Variants in CTNNA2 observed in about 807,000 individuals in gnomAD.
CTNNA2 encodes the protein catenin alpha-2.
Under a neutral mutation model 101.0 loss-of-function variants are expected in CTNNA2, and 42 were observed. The ratio of observed to expected loss-of-function variants is 0.42; its 90% CI spans 0.32 to 0.54. The LOEUF is 0.54. CTNNA2 is among the 20% of genes least tolerant of loss of function. The pLI is 0.14. For missense variants in CTNNA2, 871 were observed against 1,223.1 expected, an observed-to-expected ratio of 0.71 and a Z score of 4.29; for synonymous variants, 450 against 456.4, an observed-to-expected ratio of 0.99 and a Z score of 0.18.
chr2:80,563,035 G>A (rs186380954), intron 12 of CTNNA2, among the ~76,000 whole-genome samples: 2,760 of 132,078 alleles, frequency 0.021, 98 homozygotes, highest in African/African-American at 0.078. Context: ...GTGCCTGTTT[G>A]TCAAAGTACA....
intron 18 of CTNNA2, among the ~76,000 whole-genome samples, chr2:80,627,191 C>T (rs946986363): frequency 2.7e-5 from 4 of 150,552 alleles, no homozygotes; most frequent in African/African-American, 9.8e-5. Context: ...GTGTGTGTGT[C>T]TTTATAGTAA....
Position 80,589,213 on chromosome 2 carries a change from T to A in CTNNA2, c.2008-91T>A, listed in dbSNP as rs547158378. On this transcript the variant is annotated intron_variant, in intron 14 of 18. Transcript: ENST00000402739. ...GGGTAGCTCATAAGCCTTTGCAGGG[T>A]CTGGCTCTGCCATCCGCAGAAGGCA... The A allele has an allele frequency of 1.4e-5, 19 of 1,316,078 alleles. No homozygotes were observed. The African/African-American group carries it at 2.5e-4, about 17-fold the overall frequency. The allele number at this position is 1,316,078 out of a possible 1,614,324, so 81.5% of individuals were successfully genotyped here.
chr2:79,661,838 G>A (rs1205155249), intron 2 of CTNNA2, among the ~76,000 whole-genome samples: 1 of 151,932 alleles, frequency 6.6e-6, no homozygotes, highest in African/African-American at 2.4e-5. Context: ...GGTCAGTATA[G>A]TTTTATTTTC....
chr2:80,425,944 G>C (rs1368993835), intron 9 of CTNNA2, among the ~76,000 whole-genome samples: 1 of 152,110 alleles, frequency 6.6e-6, no homozygotes, highest in Non-Finnish European at 1.5e-5. Flanking sequence ...TGTTGTTGTT[G>C]TTGTTGTTTT....
At chr2:80,636,751 A>C (rs963157711) in intron 18 of CTNNA2, among the ~76,000 whole-genome samples, 3 of 152,136 alleles carry the variant, frequency 2.0e-5, no homozygotes, top group Admixed American at 1.3e-4. Flanking sequence ...TCAGCTTCCC[A>C]GGCTAGATTG....
intron 7 of CTNNA2, among the ~76,000 whole-genome samples, chr2:80,253,135 G>T (rs1671889733): frequency 1.3e-5 from 2 of 151,972 alleles, no homozygotes; most frequent in Admixed American, 1.3e-4. Flanking sequence ...CAAAACAAGT[G>T]GAAAAGTACA....
chr2:79,687,789 A>G lies in CTNNA2; in HGVS notation c.102+36131A>G, dbSNP rs1167963917. ...TAACTGAAGATGTTCGGCTTGAAAT[A>G]CAGGCGCCAAAAATGGATTTCACAC... On this transcript the variant is annotated intron_variant, in intron 2 of 18. Coordinates refer to ENST00000402739, the MANE Select transcript of CTNNA2 (RefSeq NM_001282597.3). 8.4e-6 allele frequency: 4 copies of G among 477,010 alleles called. No individual in the cohort carries two copies. In the Admixed American group the frequency reaches 1.7e-4, roughly 20 times the overall value. The allele number at this position is 477,010 out of a possible 1,614,324, so 29.5% of individuals were successfully genotyped here.
At chr2:80,284,658 A>G (rs1425500780) in intron 7 of CTNNA2, among the ~76,000 whole-genome samples, 1 of 152,040 alleles carries the variant, frequency 6.6e-6, no homozygotes, top group African/African-American at 2.4e-5. Flanking sequence ...GAATTCCTCA[A>G]ATTCCTAATA....
chr2:80,598,755 G>GTTTTTC (rs1290034865), intron 15 of CTNNA2, among the ~76,000 whole-genome samples: 2 of 152,182 alleles, frequency 1.3e-5, no homozygotes, highest in Admixed American at 6.5e-5. Context: ...TAATTATGCT[G>GTTTTTC]AGTGAAAAAC....
intron 7 of CTNNA2, among the ~76,000 whole-genome samples, chr2:80,312,719 C>A (rs1351253941): frequency 6.6e-6 from 1 of 152,202 alleles, no homozygotes; most frequent in African/African-American, 2.4e-5. Context: ...TATTCCTTGA[C>A]ACTTAATTAT....
chr2:79,451,888 TC>T (rs1420894617), intron 4 of CTNNA2, among the ~76,000 whole-genome samples: 2 of 151,870 alleles, frequency 1.3e-5, no homozygotes, highest in Non-Finnish European at 2.9e-5. Context: ...AACTGTACAA[TC>T]CAAACTAGCA....
intron 16 of CTNNA2, chr2:80,605,043 C>T (rs1697886492): frequency 6.6e-6 from 1 of 151,974 alleles, no homozygotes; most frequent in Non-Finnish European, 1.5e-5. Context: ...GATCAAGAAC[C>T]TTCAGATTTC....
At chr2:79,457,858 C>T (rs1670842506) in intron 4 of CTNNA2, among the ~76,000 whole-genome samples, 1 of 152,230 alleles carries the variant, frequency 6.6e-6, no homozygotes, top group Non-Finnish European at 1.5e-5. Flanking sequence ...TTACTCTCAA[C>T]TAGCATTTCA....
chr2:79,947,646 G>A lies in CTNNA2; in HGVS notation c.1056+37849G>A, dbSNP rs562537392. 2.6e-5 allele frequency among the ~76,000 whole-genome samples: 4 copies of A among 152,240 alleles called. No homozygotes were observed. In the South Asian group the frequency reaches 6.2e-4, roughly 24 times the overall value. ...AGCACTTGTCAGATGTTTGCTACTT[G>A]TCATGGTATTGTTATTAAAATAAGT... is the stretch of plus-strand genomic sequence containing the variant. On this transcript the variant is annotated intron_variant, in intron 7 of 18. Coordinates refer to ENST00000402739, the MANE Select transcript of CTNNA2 (RefSeq NM_001282597.3).
intron 7 of CTNNA2, among the ~76,000 whole-genome samples, chr2:80,009,698 A>C (rs1336838989): frequency 6.6e-6 from 1 of 151,166 alleles, no homozygotes; most frequent in East Asian, 2.0e-4. Context: ...ACTAGAAAAA[A>C]TGTAGACTAT....
At chr2:79,827,703 T>C (rs1392343906) in intron 3 of CTNNA2, among the ~76,000 whole-genome samples, 3 of 152,180 alleles carry the variant, frequency 2.0e-5, no homozygotes, top group East Asian at 1.9e-4. Context: ...TTATATGCCA[T>C]TGGGCACAAA....
intron 2 of CTNNA2, among the ~76,000 whole-genome samples, chr2:79,212,454 A>C (rs2104202890): frequency 6.6e-6 from 1 of 152,220 alleles, no homozygotes; most frequent in East Asian, 1.9e-4. Context: ...AGGTAAAAGT[A>C]TTGTCCAGTC....
At position 79,849,044 on chromosome 2, in the gene CTNNA2, G is replaced by C. The variant is rs143395244; in HGVS notation, c.299-8969G>C. Reference sequence around the variant, plus strand: ...ATGTGTGAGATGAGAAAGGGGTGCTGAATGATGCCTGAGGAGTTTTCATCC... The same window carrying C: ...ATGTGTGAGATGAGAAAGGGGTGCTCAATGATGCCTGAGGAGTTTTCATCC... On this transcript the variant is annotated intron_variant, in intron 3 of 18. Coordinates refer to ENST00000402739, the MANE Select transcript of CTNNA2 (RefSeq NM_001282597.3). Among the ~76,000 whole-genome samples the C allele has an allele frequency of 1.8e-3, 278 of 152,238 alleles. 2 individuals carry two copies. Among genetic ancestry groups the C allele is most frequent in the African/African-American group, 6.3e-3 (263 of 41,540 alleles).
chr2:79,935,621 G>A (rs1172037264), intron 7 of CTNNA2, among the ~76,000 whole-genome samples: 3 of 152,064 alleles, frequency 2.0e-5, no homozygotes, highest in African/African-American at 7.2e-5. Flanking sequence ...AAATATCTTT[G>A]AAATAGAAGA....
Sources: gnomAD v4.1 joint callset for allele counts (sites outside exome capture counted in the v4.1 genomes callset) on GRCh38, gnomAD v4.1.1 for gene constraint, MANE v1.5 for transcripts, NCBI Gene and HGNC (gene_info 2026-07-23, HGNC 2026-07-21) for gene names.